The following LGR4 variants were observed in gnomAD, a reference collection of about 807,000 sequenced individuals.
The protein encoded by LGR4 is leucine rich repeat containing G protein-coupled receptor 4.
Under a neutral mutation model 84.8 loss-of-function variants are expected in LGR4, and 44 were observed. The observed-to-expected ratio is 0.52, with a 90% CI of 0.41 to 0.67. LGR4 has a LOEUF of 0.67. LGR4 is among the 30% of genes least tolerant of loss of function. LGR4 has a pLI of 0.00. For missense variants in LGR4, 1,032 were observed against 1,131.4 expected, an observed-to-expected ratio of 0.91 and a Z score of 1.26; for synonymous variants, 429 against 434.3, an observed-to-expected ratio of 0.99 and a Z score of 0.15.
intron 1 of LGR4, among the ~76,000 whole-genome samples, chr11:27,460,455 C>G (rs533395042): frequency 6.6e-6 from 1 of 152,186 alleles, no homozygotes; most frequent in Non-Finnish European, 1.5e-5. Flanking sequence ...AGAGCAATAC[C>G]CAAATCCCCT....
Position 27,384,518 on chromosome 11 carries a change from CAACAGCTA to C in LGR4, c.618-119_618-112del, listed in dbSNP as rs541622416. 9.6e-4 allele frequency: 727 copies of C among 761,068 alleles called. 7 individuals carry two copies. Among genetic ancestry groups the C allele is most frequent in the South Asian group, 4.8e-3 (305 of 63,610 alleles). The allele number at this position is 761,068 out of a possible 1,614,324, so 47.1% of individuals were successfully genotyped here. On this transcript the variant is annotated intron_variant, in intron 5 of 17. Coordinates refer to ENST00000379214, the MANE Select transcript of LGR4 (RefSeq NM_018490.5). ...AAAGGAATGATGTAGCTAAACATAT[CAACAGCTA>C]AACAGCTAAACAGTTTTCTGTTGAC...
At chr11:27,446,404 C>T (rs1864391114) in intron 1 of LGR4, among the ~76,000 whole-genome samples, 1 of 152,198 alleles carries the variant, frequency 6.6e-6, no homozygotes, top group Non-Finnish European at 1.5e-5. Flanking sequence ...CAAAAGAAGA[C>T]ATTTATGCAG....
intron 2 of LGR4, among the ~76,000 whole-genome samples, chr11:27,397,302 G>C (rs1473830859): frequency 6.6e-6 from 1 of 152,038 alleles, no homozygotes; most frequent in Non-Finnish European, 1.5e-5. Context: ...TGATTCCACG[G>C]GTACCTTAGA....
At chr11:27,376,699 G>A (rs1277785115) in intron 12 of LGR4, among the ~76,000 whole-genome samples, 1 of 152,122 alleles carries the variant, frequency 6.6e-6, no homozygotes, top group African/African-American at 2.4e-5. Context: ...GGAAGATGAT[G>A]CAGGGAGAAA....
chr11:27,427,244 CAT>C (rs1306929463), intron 1 of LGR4, among the ~76,000 whole-genome samples: 4 of 152,130 alleles, frequency 2.6e-5, no homozygotes, highest in African/African-American at 9.7e-5. Context: ...TGTTGATCAA[CAT>C]ATCTTTATTG....
intron 1 of LGR4, among the ~76,000 whole-genome samples, chr11:27,452,623 G>GTTTTTTTT (rs557477166): frequency 8.4e-6 from 1 of 119,338 alleles, no homozygotes; most frequent in African/African-American, 3.3e-5. Context: ...AACTTTTTGA[G>GTTTTTTTT]TTTTTTTTTT....
chr11:27,445,375 CTTAT>C (rs1295368870), intron 1 of LGR4, among the ~76,000 whole-genome samples: 3 of 152,056 alleles, frequency 2.0e-5, no homozygotes, highest in Non-Finnish European at 2.9e-5. Flanking sequence ...TTGACTAACG[CTTAT>C]TTAAACATTT....
At chr11:27,410,877 G>C (rs1222267571) in intron 2 of LGR4, among the ~76,000 whole-genome samples, 3 of 152,022 alleles carry the variant, frequency 2.0e-5, no homozygotes, top group Non-Finnish European at 4.4e-5. Context: ...AATTCAATTT[G>C]GTTCCAATTA....
intron 6 of LGR4, among the ~76,000 whole-genome samples, chr11:27,383,215 T>C (rs1374217165): frequency 6.6e-6 from 1 of 152,118 alleles, no homozygotes; most frequent in Non-Finnish European, 1.5e-5. Flanking sequence ...AAGAGCACAC[T>C]GGCATACGAT....
At chr11:27,416,943 T>G (rs1295389692) in intron 1 of LGR4, among the ~76,000 whole-genome samples, 4 of 152,140 alleles carry the variant, frequency 2.6e-5, no homozygotes, top group African/African-American at 7.2e-5. Flanking sequence ...CCTTTTAAGA[T>G]CCCTGTAAAA....
intron 2 of LGR4, among the ~76,000 whole-genome samples, chr11:27,406,011 G>T (rs1863601090): frequency 1.3e-5 from 2 of 152,100 alleles, no homozygotes; most frequent in Non-Finnish European, 2.9e-5. Flanking sequence ...CCTAAGCTCT[G>T]CGTATCTTTT....
intron 2 of LGR4, among the ~76,000 whole-genome samples, chr11:27,406,498 C>G (rs1863612757): frequency 6.6e-6 from 1 of 152,076 alleles, no homozygotes; most frequent in Admixed American, 6.6e-5. Flanking sequence ...TGATAGCTCA[C>G]AGAGTTTTAT....
chr11:27,434,514 C>T (rs922792374), intron 1 of LGR4, among the ~76,000 whole-genome samples: 1 of 152,146 alleles, frequency 6.6e-6, no homozygotes, highest in Admixed American at 6.5e-5. Context: ...GTCCACTACA[C>T]TGAACTGGGA....
rs533297156 is a variant in LGR4, at chr11:27,398,031, T to A, written c.258-5513A>T. Among the ~76,000 whole-genome samples the A allele has an allele frequency of 4.5e-4, 68 of 152,354 alleles. 1 individual carries two copies. The South Asian group carries it at 0.013, about 30-fold the overall frequency. The stretch of plus-strand genomic sequence containing the variant: ...AGTGGCTCAGTGTGCAATGTCTCTA[T>A]GAATCTCTTTTGTGTGCATTTATTA... On this transcript the variant is annotated intron_variant, in intron 2 of 17. Transcript: ENST00000379214.
rs575392467 is a variant in LGR4 at position 27,366,182 on chromosome 11, G to C, written c.*1685C>G. On this transcript the variant is annotated 3_prime_UTR_variant, in exon 18 of 18. Coordinates refer to ENST00000379214, the MANE Select transcript of LGR4 (RefSeq NM_018490.5). Reference sequence around the variant, plus strand: ...ATCAGATGTGTAAATATACATGATAGCAATTTTTAAAACTTGTAAATAGTT... The same window carrying C: ...ATCAGATGTGTAAATATACATGATACCAATTTTTAAAACTTGTAAATAGTT... The C allele has an allele frequency of 6.6e-6, 1 of 152,570 alleles. No individual in the cohort carries two copies. The highest frequency in any genetic ancestry group is 2.1e-4 in the South Asian group (1 of 4,820). The allele number at this position is 152,570 out of a possible 1,614,324, so 9.5% of individuals were successfully genotyped here. A position where few individuals can be genotyped will look rare whatever the true frequency, so the allele number is the denominator to read the frequency against.
chr11:27,409,777 C>T (rs1363761630), intron 2 of LGR4, among the ~76,000 whole-genome samples: 1 of 152,130 alleles, frequency 6.6e-6, no homozygotes, highest in Middle Eastern at 3.2e-3. Flanking sequence ...GTTCTTCCTA[C>T]AACACCCTTA....
intron 2 of LGR4, among the ~76,000 whole-genome samples, chr11:27,397,679 T>G (rs796998725): frequency 1.1e-4 from 17 of 152,378 alleles, no homozygotes; most frequent in African/African-American, 3.8e-4. Context: ...TCTCGACATA[T>G]GCTGGAAGCA....
rs1218129222 is a variant in LGR4, at chr11:27,391,165, T to C, written c.330A>G (p.Leu110=). 6.3e-7 allele frequency: 1 copy of C among 1,587,558 alleles called. No homozygotes were observed. Among genetic ancestry groups the C allele is most frequent in the Non-Finnish European group, 8.6e-7 (1 of 1,167,156 alleles). The stretch of plus-strand genomic sequence containing the variant: ...TTTTCAACTGATTATTCTGGAGCGT[T>C]CTGAAAGAAAATTTTTGGTTAGTGA... ...ALSGLKELKV[L]TLQNNQLKTV... The change falls in exon 4 of 18, where the codon CTA becomes CTG. Residue 110 remains leucine, a splice_region_variant and synonymous_variant. Transcript: ENST00000379214.
chr11:27,450,302 T>C (rs541829481), intron 1 of LGR4, among the ~76,000 whole-genome samples: 35 of 152,332 alleles, frequency 2.3e-4, no homozygotes, highest in South Asian at 6.2e-4. Flanking sequence ...CATGGGTATA[T>C]TCCTCTACTT....
Sources: gnomAD v4.1 joint callset for allele counts (sites outside exome capture counted in the v4.1 genomes callset) on GRCh38, gnomAD v4.1.1 for gene constraint, MANE v1.5 for transcripts, NCBI Gene and HGNC (gene_info 2026-07-23, HGNC 2026-07-21) for gene names.